Variants in CNIH3 observed in about 807,000 individuals in gnomAD.
CNIH3 encodes protein cornichon homolog 3.
In CNIH3, 14 loss-of-function variants were observed where a neutral mutation model predicts 24.1. The ratio of observed to expected loss-of-function variants is 0.58; its 90% CI spans 0.38 to 0.91. The LOEUF (loss-of-function observed/expected upper bound fraction) is 0.91. Ranked by LOEUF, CNIH3 falls within the 40% of genes least tolerant of loss-of-function variation. The pLI is 0.00. For missense variants in CNIH3, 178 were observed against 196.8 expected (o/e 0.90, Z 0.57); for synonymous variants, 68 against 73.8 (o/e 0.92, Z 0.40).
chr1:224,589,428 T>G (rs1430479299), downstream of CNIH3, among the ~76,000 whole-genome samples: 1 of 152,216 alleles, frequency 6.6e-6, no homozygotes, highest in Non-Finnish European at 1.5e-5. Flanking sequence ...TGAGGGTAAG[T>G]CACGTACTTT....
At chr1:224,519,670 G>A (rs1678544186) in intron 1 of CNIH3, among the ~76,000 whole-genome samples, 1 of 149,454 alleles carries the variant, frequency 6.7e-6, no homozygotes, top group African/African-American at 2.4e-5. Context: ...TGCAGAAGTG[G>A]CAGGAAATAT....
At chr1:224,534,415 G>A (rs760194980) in intron 2 of CNIH3, among the ~76,000 whole-genome samples, 21 of 152,098 alleles carry the variant, frequency 1.4e-4, no homozygotes, top group Non-Finnish European at 2.8e-4. Context: ...TATAGGGTGA[G>A]GAAATGGAGG....
At chr1:224,510,828 C>T (rs1272310781) in intron 1 of CNIH3, among the ~76,000 whole-genome samples, 1 of 152,104 alleles carries the variant, frequency 6.6e-6, no homozygotes. Flanking sequence ...CACCAGGCCT[C>T]CCTGGCACTG....
chr1:224,573,279 A>G (rs968483046), intron 4 of CNIH3, among the ~76,000 whole-genome samples: 3 of 152,110 alleles, frequency 2.0e-5, no homozygotes. Context: ...TTTTCATTCA[A>G]TCTTCCTTTT....
At chr1:224,447,237 G>A (rs1211560027) in intron 1 of CNIH3, among the ~76,000 whole-genome samples, 2 of 152,248 alleles carry the variant, frequency 1.3e-5, no homozygotes, top group East Asian at 3.9e-4. Flanking sequence ...AACTAGGGAA[G>A]CTGATGGTGT....
At chr1:224,489,213 A>G (rs1330975401) in intron 1 of CNIH3, among the ~76,000 whole-genome samples, 1 of 152,008 alleles carries the variant, frequency 6.6e-6, no homozygotes, top group East Asian at 1.9e-4. Context: ...TGTGAGTGGT[A>G]GCTCACATTT....
rs544313053 is a variant in CNIH3 at position 224,692,112 on chromosome 1, T to A, written c.198+7269T>A. Reference sequence around the variant, plus strand: ...GAGGTTGAGATCAGTGTGGGTAACATAGTGAGACCCCCATATCTACAAAAA... The same window carrying A: ...GAGGTTGAGATCAGTGTGGGTAACAAAGTGAGACCCCCATATCTACAAAAA... On this transcript the variant is annotated intron_variant, in intron 3 of 5. Transcript: ENST00000272133. Among the ~76,000 whole-genome samples the A allele has an allele frequency of 2.3e-3, 346 of 152,202 alleles. 2 individuals carry two copies. The highest frequency in any genetic ancestry group is 2.9e-3 in the Non-Finnish European group (196 of 68,010).
chr1:224,699,074 C>A (rs1687335766), intron 3 of CNIH3, among the ~76,000 whole-genome samples: 1 of 152,168 alleles, frequency 6.6e-6, no homozygotes, highest in African/African-American at 2.4e-5. Flanking sequence ...GGATTGAAGA[C>A]ACGTTTCCCT....
chr1:224,512,316 T>C (rs1300075186), upstream of CNIH3, among the ~76,000 whole-genome samples: 1 of 151,974 alleles, frequency 6.6e-6, no homozygotes, highest in Non-Finnish European at 1.5e-5. Context: ...GACCCATCTC[T>C]ACAGAAAATT....
chr1:224,456,340 C>T (rs562638757), intron 1 of CNIH3, among the ~76,000 whole-genome samples: 12 of 152,304 alleles, frequency 7.9e-5, no homozygotes, highest in East Asian at 1.9e-4. Flanking sequence ...ATAGCTCAGA[C>T]ATGAGATGTG....
chr1:224,534,151 C>T (rs111944628), intron 2 of CNIH3, among the ~76,000 whole-genome samples: 3,986 of 152,170 alleles, frequency 0.026, 180 homozygotes, highest in African/African-American at 0.09. Context: ...GGTGACAGAG[C>T]GAGACCATGT....
chr1:224,683,634 G>A (rs1037572749), intron 2 of CNIH3, among the ~76,000 whole-genome samples: 9 of 152,208 alleles, frequency 5.9e-5, no homozygotes, highest in African/African-American at 1.9e-4. Flanking sequence ...TCTCAATATC[G>A]TTGGACCCTC....
At chr1:224,521,982 T>G (rs1247151144) in intron 2 of CNIH3, among the ~76,000 whole-genome samples, 1 of 152,158 alleles carries the variant, frequency 6.6e-6, no homozygotes, top group Non-Finnish European at 1.5e-5. Flanking sequence ...TGGAAGGCAA[T>G]AAAGTTCTCC....
chr1:224,556,405 A>G (rs1281797148), intron 3 of CNIH3, among the ~76,000 whole-genome samples: 2 of 152,174 alleles, frequency 1.3e-5, no homozygotes, highest in Non-Finnish European at 2.9e-5. Flanking sequence ...TTCTATTCCA[A>G]ACTGGCTGGC....
intron 1 of CNIH3, among the ~76,000 whole-genome samples, chr1:224,627,417 G>A (rs1229416473): frequency 1.3e-5 from 2 of 152,070 alleles, no homozygotes. Flanking sequence ...GTAGAGACGG[G>A]GTTTCACCAT....
intron 1 of CNIH3, among the ~76,000 whole-genome samples, chr1:224,668,805 G>A (rs927016800): frequency 6.6e-6 from 1 of 152,062 alleles, no homozygotes; most frequent in African/African-American, 2.4e-5. Context: ...GTGAGAGGAG[G>A]GGGAACCTGG....
At chr1:224,558,481 G>C (rs1436508841) in intron 3 of CNIH3, among the ~76,000 whole-genome samples, 1 of 152,146 alleles carries the variant, frequency 6.6e-6, no homozygotes, top group East Asian at 1.9e-4. Flanking sequence ...GGTGCAGACA[G>C]TAAGAGGGTG....
chr1:224,613,886 T>G (rs1385271025), upstream of CNIH3, among the ~76,000 whole-genome samples: 2 of 148,350 alleles, frequency 1.3e-5, no homozygotes, highest in Non-Finnish European at 3.0e-5. Flanking sequence ...AGGTTTTTGT[T>G]TTTTTTTTTT....
At chr1:224,739,118 C>T (rs1689742325) in intron 5 of CNIH3, among the ~76,000 whole-genome samples, 1 of 152,036 alleles carries the variant, frequency 6.6e-6, no homozygotes, top group South Asian at 2.1e-4. Flanking sequence ...ATACAATATG[C>T]TCTCCCAAAA....
Sources: gnomAD v4.1 joint callset for allele counts (sites outside exome capture counted in the v4.1 genomes callset) on GRCh38, gnomAD v4.1.1 for gene constraint, MANE v1.5 for transcripts, NCBI Gene and HGNC (gene_info 2026-07-23, HGNC 2026-07-21) for gene names.